Variants in CNTD1 observed in about 807,000 individuals in gnomAD.
CNTD1 encodes the protein cyclin N-terminal domain-containing protein 1.
CNTD1 carries 17 observed loss-of-function variants against 36.3 expected under a neutral mutation model. The observed-to-expected ratio is 0.47, with a 90% CI of 0.32 to 0.70. CNTD1 has a LOEUF of 0.70. Among genes scored for constraint, CNTD1 ranks in the 30% least tolerant of loss-of-function variants. The pLI is 0.03. For synonymous variants in CNTD1, 128 were observed against 153.3 expected, an observed-to-expected ratio of 0.83 and a Z score of 1.22; for missense variants, 338 against 386.1, an observed-to-expected ratio of 0.88 and a Z score of 1.04.
intron 6 of CNTD1, among the ~76,000 whole-genome samples, chr17:42,808,126 C>G (rs75693286): frequency 0.013 from 1,912 of 152,262 alleles, 39 homozygotes; most frequent in African/African-American, 0.044. Context: ...TGTTAAACTC[C>G]AGGCTGGGCA....
chr17:42,807,844 A>T lies in CNTD1; in HGVS notation c.802A>T (p.Asn268Tyr). 1 of 1,613,270 alleles carries T rather than the reference A, an allele frequency of 6.2e-7. No individual in the cohort carries two copies. Among genetic ancestry groups the T allele is most frequent in the South Asian group, 1.1e-5 (1 of 91,076 alleles). Residue 268 changes from asparagine (N) to tyrosine (Y), a missense_variant, in exon 6 of 7, where the codon AAC (asparagine) becomes TAC (tyrosine). Asn to Tyr is a moderately radical substitution (Grantham distance 143). Transcript: ENST00000588408. ...GIIAASAFIQ[N>Y]HECWSQVVGH... ...CATTGCAGCAAGTGCTTTCATCCAA[A>T]ACCATGAGTGTTGGAGCCAGGTATG...
chr17:42,805,002 A>T (rs1203226255), intron 3 of CNTD1, among the ~76,000 whole-genome samples: 3 of 152,076 alleles, frequency 2.0e-5, no homozygotes, highest in Non-Finnish European at 2.9e-5. Flanking sequence ...TTCTGTTCCC[A>T]AAGTATAATT....
chr17:42,806,538 C>T (rs1311815097), intron 4 of CNTD1, 136 bp from the exon 5 acceptor site: 2 of 832,226 alleles, frequency 2.4e-6, no homozygotes, highest in African/African-American at 1.7e-5. Flanking sequence ...TGATCTCCAG[C>T]TAAACAGGTT....
Position 42,803,694 on chromosome 17 carries a change from A to G in CNTD1, c.244A>G (p.Arg82Gly), listed in dbSNP as rs982137027. 4 of 1,613,238 alleles carry G rather than the reference A, an allele frequency of 2.5e-6. No individual in the cohort carries two copies. Among genetic ancestry groups the G allele is most frequent in the South Asian group, 1.1e-5 (1 of 91,038 alleles). ...VSYQAVEILERFMVKQAENIC... is the reference protein window; with the variant it reads ...VSYQAVEILEGFMVKQAENIC... Reference sequence around the variant, plus strand: ...CTACCAGGCTGTAGAAATCCTAGAAAGGTAAAGCCCTGGCATAATGCCTTT... The same window carrying G: ...CTACCAGGCTGTAGAAATCCTAGAAGGGTAAAGCCCTGGCATAATGCCTTT... Residue 82 changes from arginine to glycine, a missense_variant and splice_region_variant, in exon 2 of 7, where the codon AGG (arginine) becomes GGG (glycine). Physicochemically the swap from Arg to Gly is moderately radical, Grantham distance 125. Coordinates refer to ENST00000588408, the MANE Select transcript of CNTD1 (RefSeq NM_173478.3).
chr17:42,809,295 ATG>A, intron 6 of CNTD1, 68 bp from the exon 7 acceptor site: 15 of 1,357,340 alleles, frequency 1.1e-5, no homozygotes, highest in South Asian at 8.1e-5. Flanking sequence ...ATCCCAAGTA[ATG>A]TGTGTGTTTG....
chr17:42,804,525 C>T (rs959865044), intron 3 of CNTD1, 129 bp downstream of exon 3: 9 of 807,162 alleles, frequency 1.1e-5, no homozygotes, highest in African/African-American at 3.5e-5. Flanking sequence ...GTAAAAACAA[C>T]GGCCGGGCGC....
At chr17:42,805,187 T>C (rs983939152) in intron 3 of CNTD1, among the ~76,000 whole-genome samples, 2 of 152,194 alleles carry the variant, frequency 1.3e-5, no homozygotes, top group African/African-American at 4.8e-5. Context: ...CAGTAAAATA[T>C]CATTCATTCA....
chr17:42,804,510 A>C, intron 3 of CNTD1, 114 bp downstream of exon 3: 3 of 1,023,082 alleles, frequency 2.9e-6, no homozygotes, highest in Non-Finnish European at 4.3e-6. Context: ...TAAATAAATT[A>C]CAAAGTAAAA....
Position 42,803,636 on chromosome 17 carries a change from G to C in CNTD1, c.186G>C (p.Leu62=), listed in dbSNP as rs1357594831. The C allele has an allele frequency of 6.2e-7, 1 of 1,613,754 alleles. No individual in the cohort carries two copies. Among genetic ancestry groups the C allele is most frequent in the South Asian group, 1.1e-5 (1 of 91,014 alleles). The change falls in exon 2 of 7, where the codon CTG becomes CTC. Residue 62 remains leucine (L), a synonymous_variant. Coordinates refer to ENST00000588408, the MANE Select transcript of CNTD1 (RefSeq NM_173478.3). The part of the protein sequence containing the change: ...EPQIVEFVFL[L]SEQWCLEKSV... ...TTTTGGCAGAGTTTGTTTTTCTCCT[G>C]TCTGAACAATGGTGTCTGGAGAAAT...
In CNTD1 at chr17:42,805,194, T is replaced by C. The variant is rs573316290; in HGVS notation, c.418-528T>C. Among the ~76,000 whole-genome samples the C allele has an allele frequency of 2.0e-5, 3 of 152,304 alleles. No homozygotes were observed. In the East Asian group the frequency reaches 5.8e-4, roughly 29 times the overall value. ...TGCCTATACAGTAAAATATCATTCA[T>C]TCAACAAATACTTTCTGAGTTTATT... On this transcript the variant is annotated intron_variant, in intron 3 of 6. Coordinates refer to ENST00000588408, the MANE Select transcript of CNTD1 (RefSeq NM_173478.3).
chr17:42,799,324 T>C, intron 1 of CNTD1, 88 bp downstream of exon 1: 3 of 1,405,642 alleles, frequency 2.1e-6, no homozygotes, highest in Non-Finnish European at 2.9e-6. Flanking sequence ...GTTGATTTTA[T>C]TCATTCAGAG....
Position 42,811,045 on chromosome 17 carries a change from G to A in CNTD1, c.*1510G>A, listed in dbSNP as rs2054990902. On this transcript the variant is annotated 3_prime_UTR_variant, in exon 7 of 7. Transcript: ENST00000588408. ...TTTTATCTATTAAAGAACACTTGGT[G>A]AGGAATGATAGTGTATTTTGGATTT... The A allele has an allele frequency of 4.5e-6, 5 of 1,102,490 alleles. No individual in the cohort carries two copies. The highest frequency in any genetic ancestry group is 1.6e-5 in the African/African-American group (1 of 63,320). 68.3% of individuals were successfully genotyped at this position (1,102,490 alleles called of 1,614,324 possible).
chr17:42,808,178 G>A (rs951054760), intron 6 of CNTD1, among the ~76,000 whole-genome samples: 1 of 152,186 alleles, frequency 6.6e-6, no homozygotes, highest in Non-Finnish European at 1.5e-5. Context: ...GGGAGGCCAA[G>A]GCAGGAGAAC....
intron 5 of CNTD1, 24 bp downstream of exon 5, chr17:42,806,842 G>C (rs1168025593): frequency 3.1e-6 from 5 of 1,612,096 alleles, no homozygotes; most frequent in Non-Finnish European, 4.2e-6. Flanking sequence ...TATAGGGTAG[G>C]CTCCTTCCAG....
intron 5 of CNTD1, among the ~76,000 whole-genome samples, 180 bp downstream of exon 5, chr17:42,806,998 G>A (rs1016757914): frequency 6.6e-6 from 1 of 152,104 alleles, no homozygotes; most frequent in Non-Finnish European, 1.5e-5. Context: ...GCCTGGTCAG[G>A]AAAACCCTAA....
chr17:42,799,204 G>A lies in CNTD1; in HGVS notation c.137G>A (p.Arg46Gln), dbSNP rs535342634. ...CAAGCAGTGAGGGAGGCTTCGGGGC[G>A]GCTGGGCCGCTTCAGGGAGCCCCAG... ...NEQAVREASG[R>Q]LGRFREPQIV... Residue 46 changes from arginine (R) to glutamine (Q), a missense_variant, in exon 1 of 7, where the codon CGG becomes CAG. By Grantham distance (43) the Arg-to-Gln change is conservative. Transcript: ENST00000588408. 60 of 1,613,866 alleles carry A rather than the reference G, an allele frequency of 3.7e-5. No homozygotes were observed. Among genetic ancestry groups the A allele is most frequent in the South Asian group, 6.6e-5 (6 of 91,084 alleles).
At chr17:42,806,985 T>A (rs1378802285) in intron 5 of CNTD1, among the ~76,000 whole-genome samples, 167 bp downstream of exon 5, 1 of 152,252 alleles carries the variant, frequency 6.6e-6, no homozygotes, top group African/African-American at 2.4e-5. Flanking sequence ...TGCAGGTGAC[T>A]GAGCCTGGTC....
At chr17:42,807,372 G>A (rs140583241) in intron 5 of CNTD1, among the ~76,000 whole-genome samples, 2,600 of 152,058 alleles carry the variant, frequency 0.017, 66 homozygotes, top group African/African-American at 0.059. Context: ...CTGAGATGGC[G>A]CCACTGCACT....
In CNTD1 at chr17:42,802,203, T is replaced by A. The variant is rs572744377; in HGVS notation, c.170-1417T>A. On this transcript the variant is annotated intron_variant, in intron 1 of 6. Transcript: ENST00000588408. ...GCAACATAGGACAATCCCGTCTATTTATTATTTATTTATTTATTTATTTAA... is the reference window on the plus strand; with the variant it reads ...GCAACATAGGACAATCCCGTCTATTAATTATTTATTTATTTATTTATTTAA... Among the ~76,000 whole-genome samples the A allele has an allele frequency of 3.3e-5, 5 of 152,134 alleles. No homozygotes were observed. The East Asian group carries it at 5.8e-4, about 18-fold the overall frequency.
Sources: allele counts gnomAD v4.1 joint callset (sites outside exome capture counted in the v4.1 genomes callset), GRCh38; gene constraint gnomAD v4.1.1; transcripts MANE v1.5; gene names NCBI Gene and HGNC (gene_info 2026-07-23, HGNC 2026-07-21).